The following UNC13C variants were observed in gnomAD, a reference collection of about 807,000 sequenced individuals.
UNC13C encodes the protein unc-13 homolog C.
UNC13C carries 174 observed loss-of-function variants against 245.4 expected under a neutral mutation model. The observed-to-expected ratio is 0.71, with a 90% CI of 0.63 to 0.80. The LOEUF (loss-of-function observed/expected upper bound fraction) is 0.80. UNC13C is among the 30% of genes least tolerant of loss of function. The pLI is 0.00. For synonymous variants in UNC13C, 992 were observed against 895.1 expected, an observed-to-expected ratio of 1.11 and a Z score of -1.93; for missense variants, 2,829 against 2,602.9, an observed-to-expected ratio of 1.09 and a Z score of -1.89.
At chr15:54,158,756 C>T (rs907628534) in intron 4 of UNC13C, among the ~76,000 whole-genome samples, 5 of 151,888 alleles carry the variant, frequency 3.3e-5, no homozygotes, top group South Asian at 2.1e-4. Flanking sequence ...CTTAAGTGAT[C>T]CTCCTACCTC....
chr15:54,026,961 G>A (rs933163400), intron 2 of UNC13C, among the ~76,000 whole-genome samples: 2 of 152,116 alleles, frequency 1.3e-5, no homozygotes, highest in African/African-American at 4.8e-5. Context: ...CTTTGATAAT[G>A]GCTGTAGAAG....
intron 19 of UNC13C, among the ~76,000 whole-genome samples, chr15:54,456,834 T>C (rs1029900999): frequency 6.6e-6 from 1 of 152,070 alleles, no homozygotes; most frequent in Non-Finnish European, 1.5e-5. Context: ...ACAATGACAG[T>C]TTGACTTCCT....
At chr15:54,147,680 T>C (rs538733586) in intron 4 of UNC13C, among the ~76,000 whole-genome samples, 1 of 147,372 alleles carries the variant, frequency 6.8e-6, no homozygotes, top group African/African-American at 2.5e-5. Flanking sequence ...ACTCCACTGG[T>C]TGAATTATAA....
At chr15:53,852,198 T>C in the UNC13C span, among the ~76,000 whole-genome samples, 1 of 152,134 alleles carries the variant, frequency 6.6e-6, no homozygotes, top group Non-Finnish European at 1.5e-5. Context: ...GGAAACCCAG[T>C]TGGGGTCTGA....
chr15:53,930,523 G>A, the UNC13C span, among the ~76,000 whole-genome samples: 2 of 152,126 alleles, frequency 1.3e-5, no homozygotes, highest in South Asian at 4.1e-4. Context: ...TAGGGCAGTG[G>A]TAAATACACA....
intron 7 of UNC13C, among the ~76,000 whole-genome samples, chr15:54,244,280 G>T (rs901087155): frequency 6.6e-6 from 1 of 152,122 alleles, no homozygotes; most frequent in African/African-American, 2.4e-5. Flanking sequence ...TCAGATGGTT[G>T]AAGGTGCATG....
In UNC13C at chr15:54,022,339, G is replaced by T. The variant is rs189958975; in HGVS notation, c.2983+6453G>T. 2.5e-3 allele frequency among the ~76,000 whole-genome samples: 374 copies of T among 151,714 alleles called. 2 individuals are homozygous for T. The highest frequency in any genetic ancestry group is 3.2e-3 in the Non-Finnish European group (216 of 67,928). On this transcript the variant is annotated intron_variant, in intron 2 of 32. Transcript: ENST00000260323. The stretch of plus-strand genomic sequence containing the variant: ...TGTTTCTTTTTTTTTTAAGCAACAG[G>T]TTCTCTGTCACCCAGGCTGGAGTAC...
At chr15:54,211,976 C>T (rs909784080) in intron 4 of UNC13C, among the ~76,000 whole-genome samples, 32 of 152,062 alleles carry the variant, frequency 2.1e-4, no homozygotes, top group Non-Finnish European at 4.1e-4. Context: ...TTCACTCCCA[C>T]GACCCATTTA....
chr15:54,176,187 G>A (rs960610206), intron 4 of UNC13C, among the ~76,000 whole-genome samples: 2 of 62,676 alleles, frequency 3.2e-5, no homozygotes, highest in African/African-American at 1.1e-4. Flanking sequence ...CTTCAAGATC[G>A]TAGTTTTTTT....
At chr15:54,054,027 T>C (rs1897389442) in intron 2 of UNC13C, among the ~76,000 whole-genome samples, 1 of 152,208 alleles carries the variant, frequency 6.6e-6, no homozygotes, top group Admixed American at 6.5e-5. Context: ...ATTCGTCTGA[T>C]GATAGACACT....
chr15:54,338,969 C>T (rs1339701252), intron 17 of UNC13C, among the ~76,000 whole-genome samples: 4 of 152,264 alleles, frequency 2.6e-5, no homozygotes, highest in South Asian at 2.1e-4. Flanking sequence ...GGGGTTCAAG[C>T]GATTCTCCTG....
At chr15:54,294,119 TG>T in intron 11 of UNC13C, 55 bp downstream of exon 11, 1 of 1,412,944 alleles carries the variant, frequency 7.1e-7, no homozygotes, top group Non-Finnish European at 9.3e-7. Flanking sequence ...CCTGAATACC[TG>T]TGGCATGTAT....
At chr15:54,470,741 C>T (rs1427845177) in intron 19 of UNC13C, among the ~76,000 whole-genome samples, 1 of 150,594 alleles carries the variant, frequency 6.6e-6, no homozygotes, top group Non-Finnish European at 1.5e-5. Flanking sequence ...AGTTTTTATT[C>T]CATTTATTTA....
chr15:54,197,125 A>G (rs2034378680), intron 4 of UNC13C, among the ~76,000 whole-genome samples: 1 of 152,202 alleles, frequency 6.6e-6, no homozygotes, highest in Admixed American at 6.5e-5. Flanking sequence ...CATTATTAGC[A>G]GATGATATGT....
intron 16 of UNC13C, among the ~76,000 whole-genome samples, chr15:54,337,521 G>A (rs1346354999): frequency 6.6e-6 from 1 of 152,064 alleles, no homozygotes; most frequent in Non-Finnish European, 1.5e-5. Flanking sequence ...GGGTCAACTG[G>A]AGTCAGCTCT....
chr15:54,048,136 C>A (rs1897118806), intron 2 of UNC13C, among the ~76,000 whole-genome samples: 1 of 152,078 alleles, frequency 6.6e-6, no homozygotes, highest in African/African-American at 2.4e-5. Context: ...AATCAGAATT[C>A]ATTTCAAAAT....
chr15:54,124,290 C>T (rs1426286730), intron 2 of UNC13C, among the ~76,000 whole-genome samples: 1 of 152,186 alleles, frequency 6.6e-6, no homozygotes, highest in African/African-American at 2.4e-5. Context: ...TTCACAGCAT[C>T]CTCTCCACCA....
the UNC13C span, among the ~76,000 whole-genome samples, chr15:53,962,311 G>A: frequency 6.6e-6 from 1 of 152,082 alleles, no homozygotes; most frequent in Admixed American, 6.6e-5. Context: ...AAATAGAAGA[G>A]TCAGCACAGA....
chr15:54,062,723 G>A (rs1162255168), intron 2 of UNC13C, among the ~76,000 whole-genome samples: 2 of 152,184 alleles, frequency 1.3e-5, no homozygotes, highest in Non-Finnish European at 2.9e-5. Flanking sequence ...CAAGCATACT[G>A]CTGTTAGAAA....
Sources: gnomAD v4.1 joint callset for allele counts (sites outside exome capture counted in the v4.1 genomes callset) on GRCh38, gnomAD v4.1.1 for gene constraint, MANE v1.5 for transcripts, NCBI Gene and HGNC (gene_info 2026-07-23, HGNC 2026-07-21) for gene names.